Variants in CD8A observed in about 807,000 individuals in gnomAD.
The protein encoded by CD8A is T-cell surface glycoprotein CD8 alpha chain.
Under a neutral mutation model 24.2 loss-of-function variants are expected in CD8A, and 25 were observed. The ratio of observed to expected loss-of-function variants is 1.03; its 90% CI spans 0.75 to 1.44. The LOEUF (loss-of-function observed/expected upper bound fraction) is 1.44. Among genes scored for constraint, CD8A ranks in the 40% most tolerant of loss-of-function variants. CD8A has a pLI of 0.00. For synonymous variants in CD8A, 165 were observed against 149.9 expected (o/e 1.10, Z -0.74); for missense variants, 360 against 319.7 (o/e 1.13, Z -0.96).
chr2:86,790,137 C>A (rs917065436), intron 2 of CD8A, among the ~76,000 whole-genome samples, 191 bp downstream of exon 2: 1 of 152,210 alleles, frequency 6.6e-6, no homozygotes, highest in African/African-American at 2.4e-5. Context: ...ATCGGCCGGA[C>A]GTAAAAAGCC....
Position 86,790,891 on chromosome 2 carries a change from T to A in CD8A, c.-66A>T. ...GCGAGGGGAGGCGCGCGGGAGCCGG[T>A]GGGGCGCCGAGGGGGGAAAGTTGCG... On this transcript the variant is annotated 5_prime_UTR_variant, in exon 1 of 6. Coordinates refer to ENST00000283635, the MANE Select transcript of CD8A (RefSeq NM_001768.7). 1 of 1,464,322 alleles carries A rather than the reference T, an allele frequency of 6.8e-7. No individual in the cohort carries two copies. Among genetic ancestry groups the A allele is most frequent in the South Asian group, 1.2e-5 (1 of 82,608 alleles). 90.7% of individuals were successfully genotyped at this position (1,464,322 alleles called of 1,614,324 possible). A position where few individuals can be genotyped will look rare whatever the true frequency, so the allele number is the denominator to read the frequency against.
upstream of CD8A, among the ~76,000 whole-genome samples, chr2:86,794,355 G>C (rs1260463566): frequency 6.6e-6 from 1 of 152,130 alleles, no homozygotes; most frequent in Non-Finnish European, 1.5e-5. Context: ...AATCCATCAG[G>C]GTTCTGTGCC....
At position 86,790,441 on chromosome 2, in the gene CD8A, G is replaced by A; in HGVS notation, c.290C>T (p.Thr97Ile). 1.2e-6 allele frequency: 2 copies of A among 1,614,168 alleles called. No individual in the cohort carries two copies. ...GAAGTCGCTCAGGGTGAGGACGAAG[G>A]TGTCCCCCAACCTCTTGCCCGAGAA... ...QRFSGKRLGDTFVLTLSDFRR... is the reference protein window; with the variant it reads ...QRFSGKRLGDIFVLTLSDFRR... Residue 97 changes from threonine to isoleucine, a missense_variant, in exon 2 of 6, where the codon ACC (threonine) becomes ATC (isoleucine). By Grantham distance (89) the Thr-to-Ile change is moderately conservative (BLOSUM62 -1). Transcript: ENST00000283635.
chr2:86,787,898 A>AGAGAGAGAGAGTGTGTGTGT (rs369993109), intron 5 of CD8A, among the ~76,000 whole-genome samples: 229 of 144,582 alleles, frequency 1.6e-3, no homozygotes, highest in African/African-American at 5.3e-3. Context: ...AGAGAGAGAG[A>AGAGAGAGAGAGTGTGTGTGT]GTGTGTGTGT....
Position 86,789,737 on chromosome 2 carries a change from C to A in CD8A, c.417G>T (p.Thr139=). The A allele has an allele frequency of 7.3e-7, 1 of 1,363,062 alleles. No individual in the cohort carries two copies. The highest frequency in any genetic ancestry group is 9.4e-7 in the Non-Finnish European group (1 of 1,065,672). 84.4% of individuals were successfully genotyped at this position (1,363,062 alleles called of 1,614,324 possible). A position where few individuals can be genotyped will look rare whatever the true frequency, so the allele number is the denominator to read the frequency against. Residue 139 remains threonine, a synonymous_variant, in exon 3 of 6, where the codon ACG becomes ACT. Coordinates refer to ENST00000283635, the MANE Select transcript of CD8A (RefSeq NM_001768.7). ...VPVFLPAKPT[T]TPAPRPPTPA... ...GTGTTGGTGGTCGCGGCGCTGGCGT[C>A]GTGGTGGGCTTCGCTGCAAGAGCAA...
At chr2:86,789,487 G>T (rs1316549864) in intron 3 of CD8A, 54 bp from the exon 4 acceptor site, 1 of 1,444,342 alleles carries the variant, frequency 6.9e-7, no homozygotes, top group African/African-American at 1.4e-5. Flanking sequence ...CCTCCCAACC[G>T]CCCCACCGTC....
intron 3 of CD8A, among the ~76,000 whole-genome samples, chr2:86,798,429 C>A (rs1399892444): frequency 6.6e-6 from 1 of 152,212 alleles, no homozygotes; most frequent in Non-Finnish European, 1.5e-5. Context: ...CCTGCCTCAG[C>A]CTCCCAAAGT....
At chr2:86,798,151 T>A (rs899864362) in intron 3 of CD8A, among the ~76,000 whole-genome samples, 3 of 152,184 alleles carry the variant, frequency 2.0e-5, no homozygotes, top group Non-Finnish European at 4.4e-5. Flanking sequence ...AGTCTACCTT[T>A]TATTCATAAG....
intron 3 of CD8A, among the ~76,000 whole-genome samples, chr2:86,800,961 G>C (rs1435307349): frequency 6.6e-6 from 1 of 152,186 alleles, no homozygotes; most frequent in Non-Finnish European, 1.5e-5. Flanking sequence ...CACACACACA[G>C]AGAACATCAT....
intron 2 of CD8A, among the ~76,000 whole-genome samples, chr2:86,805,943 TTC>T (rs1673838033): frequency 6.7e-6 from 1 of 148,670 alleles, no homozygotes; most frequent in Non-Finnish European, 1.5e-5. Context: ...CTCTCTCTCT[TTC>T]TTTTTCTTTT....
At chr2:86,799,236 C>G (rs1168297108) in intron 3 of CD8A, among the ~76,000 whole-genome samples, 1 of 152,182 alleles carries the variant, frequency 6.6e-6, no homozygotes. Context: ...AGGCTTTGTG[C>G]TCGTTCTCCT....
intron 2 of CD8A, 100 bp downstream of exon 2, chr2:86,790,202 TGGGAACAGTATCTAAGTCGCTTCCAG>T: frequency 1.3e-6 from 1 of 753,424 alleles, no homozygotes; most frequent in South Asian, 1.5e-5. Context: ...GTCTGTGAAA[TGGGAACAGTATCTAAGTCGCTTCCAG>T]GTGCGCTAAG....
exon 2 of CD8A, chr2:86,807,726 C>G (rs1234796099): frequency 2.0e-5 from 3 of 152,086 alleles, no homozygotes; most frequent in Admixed American, 6.6e-5. Context: ...GGAGCAGGCG[C>G]GGAGGAGGGC....
Position 86,784,872 on chromosome 2 carries a change from TGTTTGGGACAGCA to T in CD8A, c.*1035_*1047del, listed in dbSNP as rs1246117763. The T allele has an allele frequency of 2.2e-6, 1 of 453,998 alleles. No homozygotes were observed. Among genetic ancestry groups the T allele is most frequent in the Non-Finnish European group, 4.4e-6 (1 of 226,788 alleles). 28.1% of individuals were successfully genotyped at this position (453,998 alleles called of 1,614,324 possible). The stretch of plus-strand genomic sequence containing the variant: ...ACCATACCTTAAGCAAGGAAGTGCA[TGTTTGGGACAGCA>T]GTTTGGGCTCTCAGCCTCCTTAAGA... On this transcript the variant is annotated 3_prime_UTR_variant, in exon 6 of 6. Transcript: ENST00000283635.
At chr2:86,787,288 C>G (rs62146062) in intron 5 of CD8A, among the ~76,000 whole-genome samples, 11,142 of 151,980 alleles carry the variant, frequency 0.073, 454 homozygotes, top group African/African-American at 0.093. Flanking sequence ...TCACCTGTAA[C>G]ATATGCATTG....
In CD8A at chr2:86,789,665, C is replaced by A; in HGVS notation, c.489G>T (p.Ala163=). 1.4e-6 allele frequency: 2 copies of A among 1,463,122 alleles called. No homozygotes were observed. The highest frequency in any genetic ancestry group is 9.0e-7 in the Non-Finnish European group (1 of 1,113,562). 90.6% of individuals were successfully genotyped at this position (1,463,122 alleles called of 1,614,324 possible). Residue 163 remains alanine (A), a synonymous_variant, in exon 3 of 6, where the codon GCG becomes GCT. Transcript: ENST00000283635. ...CTGCGCCCCCCGCCGCTGGCCGGCA[C>A]GCCTCTGGGCGCAGGGACAGGGGCT... The part of the protein sequence containing the change: ...ASQPLSLRPE[A]CRPAAGGAVH...
At chr2:86,794,094 T>G (rs1248262205), upstream of CD8A, among the ~76,000 whole-genome samples, 3 of 152,172 alleles carry the variant, frequency 2.0e-5, no homozygotes, top group African/African-American at 7.2e-5. Context: ...GAGGGCTGGG[T>G]TGGGCCTGTC....
chr2:86,789,454 G>A (rs780478964), intron 3 of CD8A, 21 bp from the exon 4 acceptor site: 2 of 1,572,566 alleles, frequency 1.3e-6, no homozygotes, highest in South Asian at 1.1e-5. Flanking sequence ...CAAAGACGCC[G>A]ACATTTAGGA....
chr2:86,803,383 C>T (rs987534930), intron 2 of CD8A, among the ~76,000 whole-genome samples: 7 of 151,950 alleles, frequency 4.6e-5, no homozygotes, highest in Non-Finnish European at 2.9e-5. Context: ...CATCAATGGA[C>T]GAATGGTTTA....
Sources: gnomAD v4.1 joint callset for allele counts (sites outside exome capture counted in the v4.1 genomes callset) on GRCh38, gnomAD v4.1.1 for gene constraint, MANE v1.5 for transcripts, NCBI Gene and HGNC (gene_info 2026-07-23, HGNC 2026-07-21) for gene names.